The following RIMS2 variants were observed in gnomAD, a reference collection of about 807,000 sequenced individuals.
The protein encoded by RIMS2 is regulating synaptic membrane exocytosis 2.
RIMS2 carries 59 observed loss-of-function variants against 174.4 expected under a neutral mutation model. That is an observed-to-expected ratio of 0.34 (90% CI 0.27 to 0.42). The LOEUF (loss-of-function observed/expected upper bound fraction) is 0.42. Among genes scored for constraint, RIMS2 ranks in the 10% least tolerant of loss-of-function variants. The pLI is 1.00. For synonymous variants in RIMS2, 606 were observed against 572.5 expected (o/e 1.06, Z -0.84); for missense variants, 1,620 against 1,666.3 (o/e 0.97, Z 0.48).
intron 19 of RIMS2, chr8:104,148,762 A>G (rs1322791617): frequency 2.5e-6 from 4 of 1,598,296 alleles, no homozygotes; most frequent in Non-Finnish European, 3.4e-6. Flanking sequence ...AGTGGCAAAA[A>G]GCGGCGCTCT....
At chr8:103,501,806 TCTA>T (rs1820183943) in intron 1 of RIMS2, 1 of 152,286 alleles carries the variant, frequency 6.6e-6, no homozygotes, top group African/African-American at 2.4e-5. Flanking sequence ...CTTGTGAAGT[TCTA>T]CTATTCTTGC....
intron 9 of RIMS2, among the ~76,000 whole-genome samples, chr8:103,920,381 TG>T (rs1181714726): frequency 6.6e-6 from 1 of 152,142 alleles, no homozygotes; most frequent in Non-Finnish European, 1.5e-5. Flanking sequence ...CAACCTTTAT[TG>T]TAAAAAACAA....
At chr8:103,518,584 A>G (rs1183162619) in intron 1 of RIMS2, among the ~76,000 whole-genome samples, 3 of 151,860 alleles carry the variant, frequency 2.0e-5, no homozygotes, top group Admixed American at 1.3e-4. Context: ...ATTGATTTTT[A>G]TATTAATTTT....
intron 19 of RIMS2, among the ~76,000 whole-genome samples, chr8:104,137,126 G>T (rs1020581683): frequency 6.6e-6 from 1 of 152,106 alleles, no homozygotes; most frequent in Non-Finnish European, 1.5e-5. Flanking sequence ...ATTACCAAAG[G>T]TATGGGGATT....
chr8:103,784,785 GT>G (rs2098425425), intron 3 of RIMS2, among the ~76,000 whole-genome samples: 1 of 93,358 alleles, frequency 1.1e-5, no homozygotes. Flanking sequence ...CTTTAAAGTA[GT>G]TTTTTCCAAT....
At chr8:104,180,587 A>G (rs16871032) in intron 19 of RIMS2, among the ~76,000 whole-genome samples, 13,260 of 151,642 alleles carry the variant, frequency 0.087, 718 homozygotes, top group African/African-American at 0.14. Flanking sequence ...CCAAATATGC[A>G]TTGTATGTTA....
chr8:103,570,790 T>C (rs2092747749), intron 1 of RIMS2, among the ~76,000 whole-genome samples: 1 of 152,122 alleles, frequency 6.6e-6, no homozygotes, highest in Non-Finnish European at 1.5e-5. Flanking sequence ...TTTTGTATAG[T>C]GATTAGAGCT....
At chr8:103,767,696 A>C (rs892100109) in intron 3 of RIMS2, among the ~76,000 whole-genome samples, 4 of 152,192 alleles carry the variant, frequency 2.6e-5, no homozygotes, top group Admixed American at 2.0e-4. Context: ...GTCATTTTAG[A>C]TGGTGCCTAA....
intron 1 of RIMS2, among the ~76,000 whole-genome samples, chr8:103,532,481 G>C (rs1837644071): frequency 6.6e-6 from 1 of 152,178 alleles, no homozygotes; most frequent in Non-Finnish European, 1.5e-5. Flanking sequence ...GATCCATTCT[G>C]TGGTTTTGTA....
In RIMS2 at chr8:104,082,706, A is replaced by G. The variant is rs563679153; in HGVS notation, c.3334+68091A>G. The stretch of plus-strand genomic sequence containing the variant: ...AATTTTATGTTTATATTTTTATATT[A>G]TTTTAAATACCTGTATTATTTTAAA... On this transcript the variant is annotated intron_variant, in intron 19 of 23. Transcript: ENST00000504942. Among the ~76,000 whole-genome samples the G allele has an allele frequency of 4.9e-4, 75 of 152,020 alleles. 1 individual carries two copies. The highest frequency in any genetic ancestry group is 1.7e-3 in the African/African-American group (71 of 41,534).
At chr8:104,012,361 T>C (rs79010263) in intron 17 of RIMS2, among the ~76,000 whole-genome samples, 2 of 148,918 alleles carry the variant, frequency 1.3e-5, no homozygotes, top group African/African-American at 2.6e-5. Flanking sequence ...TTTCTTTTTT[T>C]TTTTTTTAAA....
At chr8:104,009,467 T>C (rs1377964616) in intron 17 of RIMS2, among the ~76,000 whole-genome samples, 2 of 151,968 alleles carry the variant, frequency 1.3e-5, no homozygotes, top group African/African-American at 2.4e-5. Context: ...TATTTTTTAT[T>C]TTTATTTTTT....
At chr8:103,972,841 C>T (rs1388619838) in intron 15 of RIMS2, among the ~76,000 whole-genome samples, 1 of 152,062 alleles carries the variant, frequency 6.6e-6, no homozygotes, top group African/African-American at 2.4e-5. Context: ...TTTCCTTTTT[C>T]TTGTTCTATT....
chr8:103,750,292 A>T (rs2097869714), intron 2 of RIMS2, among the ~76,000 whole-genome samples: 1 of 152,188 alleles, frequency 6.6e-6, no homozygotes, highest in South Asian at 2.1e-4. Flanking sequence ...AATTAGAAGA[A>T]TTATTTTCCA....
intron 19 of RIMS2, among the ~76,000 whole-genome samples, chr8:104,173,980 C>G (rs1274131418): frequency 6.8e-6 from 1 of 147,724 alleles, no homozygotes; most frequent in Non-Finnish European, 1.5e-5. Context: ...CAGAGTTTCT[C>G]TCGTCACCCA....
chr8:103,959,738 A>G lies in RIMS2; in HGVS notation c.2702-1327A>G, dbSNP rs1285809712. Among the ~76,000 whole-genome samples, 4 of 151,678 alleles carry G rather than the reference A, an allele frequency of 2.6e-5. No homozygotes were observed. The East Asian group carries it at 7.7e-4, about 29-fold the overall frequency. On this transcript the variant is annotated intron_variant, in intron 14 of 23. Coordinates refer to ENST00000504942, the Ensembl canonical transcript of RIMS2. ...CGTGTATCTCTACCTTTTCTTCCAA[A>G]CCATATACAATTTTGCAATTTGATA...
At chr8:104,181,863 A>G (rs1049377809) in intron 19 of RIMS2, among the ~76,000 whole-genome samples, 11 of 151,736 alleles carry the variant, frequency 7.2e-5, no homozygotes, top group African/African-American at 2.7e-4. Flanking sequence ...ATGTTTACAT[A>G]GCCTTTTATT....
intron 1 of RIMS2, among the ~76,000 whole-genome samples, chr8:103,595,574 G>T (rs2133483837): frequency 6.6e-6 from 1 of 152,002 alleles, no homozygotes; most frequent in Middle Eastern, 3.4e-3. Flanking sequence ...TGGGGCTGTG[G>T]AAAATTCCAA....
intron 1 of RIMS2, among the ~76,000 whole-genome samples, chr8:103,529,340 C>T (rs1835793592): frequency 6.6e-6 from 1 of 152,192 alleles, no homozygotes; most frequent in Admixed American, 6.5e-5. Flanking sequence ...GTGCCCCTCC[C>T]CCAGGCTTGC....
Sources: allele counts gnomAD v4.1 joint callset (sites outside exome capture counted in the v4.1 genomes callset), GRCh38; gene constraint gnomAD v4.1.1; transcripts MANE v1.5; gene names NCBI Gene and HGNC (gene_info 2026-07-23, HGNC 2026-07-21).